The following RRAS2 variants were observed in gnomAD, a reference collection of about 807,000 sequenced individuals.
RRAS2 encodes the protein RAS related 2, also known as ras-related protein R-Ras2.
Under a neutral mutation model 27.6 loss-of-function variants are expected in RRAS2, and 7 were observed. The ratio of observed to expected loss-of-function variants is 0.25; its 90% CI spans 0.14 to 0.48. The LOEUF (loss-of-function observed/expected upper bound fraction) is 0.48, where lower values mean the gene tolerates loss of function less well. Ranked by LOEUF, RRAS2 falls within the 20% of genes least tolerant of loss-of-function variation. The probability of loss-of-function intolerance (pLI) is 0.99; values close to 1 mark genes in which losing one functional copy is unlikely to be tolerated. For synonymous variants in RRAS2, 86 were observed against 90.9 expected (o/e 0.95, Z 0.31); for missense variants, 178 against 256.2 (o/e 0.69, Z 2.08).
At chr11:14,282,300 A>G (rs1029197251) in intron 4 of RRAS2, among the ~76,000 whole-genome samples, 2 of 152,220 alleles carry the variant, frequency 1.3e-5, no homozygotes, top group Non-Finnish European at 2.9e-5. Context: ...TCTCTTCATC[A>G]TTGCATTCCC....
chr11:14,358,584 G>C lies in RRAS2; in HGVS notation c.108+179C>G, dbSNP rs1554955811. 1.0e-6 allele frequency: 1 copy of C among 985,370 alleles called. No individual in the cohort carries two copies. The highest frequency in any genetic ancestry group is 1.2e-6 in the Non-Finnish European group (1 of 829,950). 61.0% of individuals were successfully genotyped at this position (985,370 alleles called of 1,614,324 possible). ...ACGCCGCGCCCGGGAGGAGGCAGGA[G>C]CGCGACGCTGCGGCCGCAGGGCAGG... On this transcript the variant is annotated intron_variant, in intron 1 of 5. Coordinates refer to ENST00000256196, the MANE Select transcript of RRAS2 (RefSeq NM_012250.6). The surrounding 1 kb of genome is among the most constrained non-coding windows in gnomAD (Gnocchi z 5.1).
chr11:14,358,653 G>C lies in RRAS2; in HGVS notation c.108+110C>G. On this transcript the variant is annotated intron_variant, in intron 1 of 5. Transcript: ENST00000256196. This position sits in a 1 kb window ranked among gnomAD's most constrained non-coding sequence, Gnocchi z 5.1. ...CCCTCCCGCCCCCTGGCCCCGGCCC[G>C]GGCCCGCGAGGCGCCTCTGGGGCGA... The C allele has an allele frequency of 8.2e-6, 8 of 975,068 alleles. No homozygotes were observed. Among genetic ancestry groups the C allele is most frequent in the African/African-American group, 1.8e-5 (1 of 56,810 alleles). 60.4% of individuals were successfully genotyped at this position (975,068 alleles called of 1,614,324 possible). A position where few individuals can be genotyped will look rare whatever the true frequency, so the allele number is the denominator to read the frequency against.
chr11:14,304,727 T>C (rs1847794088), intron 1 of RRAS2, among the ~76,000 whole-genome samples: 2 of 152,164 alleles, frequency 1.3e-5, no homozygotes, highest in African/African-American at 4.8e-5. Flanking sequence ...TAGCCTCCAT[T>C]TTCTAAAACA....
chr11:14,359,278 C>T (rs1333085077), upstream of RRAS2: 3 of 633,760 alleles, frequency 4.7e-6, no homozygotes, highest in African/African-American at 5.9e-5. Flanking sequence ...GGGAGGTAAC[C>T]CGGGCTTCAG....
At chr11:14,355,198 A>C (rs1849046996) in intron 1 of RRAS2, among the ~76,000 whole-genome samples, 2 of 152,140 alleles carry the variant, frequency 1.3e-5, no homozygotes, top group Admixed American at 1.3e-4. Flanking sequence ...AAAGTGCAGA[A>C]ATTTGTTCAA....
At chr11:14,303,987 G>A (rs2133974614) in intron 1 of RRAS2, among the ~76,000 whole-genome samples, 1 of 152,250 alleles carries the variant, frequency 6.6e-6, no homozygotes, top group Non-Finnish European at 1.5e-5. Flanking sequence ...CCTTCCTCCT[G>A]GTTCATGTCA....
rs540257497 is a variant in RRAS2 at position 14,338,612 on chromosome 11, T to C, written c.108+20151A>G. Among the ~76,000 whole-genome samples, 108 of 152,310 alleles carry C rather than the reference T, an allele frequency of 7.1e-4. 4 individuals carry two copies. In the South Asian group the frequency reaches 0.022, roughly 31 times the overall value. ...GGCATCATATCATGACTCAAAAAGT[T>C]TCAGATTTTGGAGTATTCTGGATTT... On this transcript the variant is annotated intron_variant, in intron 1 of 5. Transcript: ENST00000256196.
intron 1 of RRAS2, among the ~76,000 whole-genome samples, chr11:14,319,343 GTC>G (rs1848176455): frequency 1.1e-5 from 1 of 89,842 alleles, no homozygotes; most frequent in Non-Finnish European, 2.2e-5. Flanking sequence ...GGTTCCCTCT[GTC>G]TTTTTTTTTT....
intron 1 of RRAS2, among the ~76,000 whole-genome samples, chr11:14,313,319 AAAG>A (rs1295872687): frequency 1.3e-5 from 2 of 152,238 alleles, no homozygotes; most frequent in African/African-American, 4.8e-5. Flanking sequence ...AACCACATGA[AAAG>A]AAAGTAAACA....
At chr11:14,352,225 G>C (rs1326679116) in intron 1 of RRAS2, among the ~76,000 whole-genome samples, 5 of 152,096 alleles carry the variant, frequency 3.3e-5, no homozygotes, top group African/African-American at 1.2e-4. Flanking sequence ...ATATTAAACT[G>C]TTAGTATATA....
chr11:14,338,074 TAA>T (rs1312904053), intron 1 of RRAS2, among the ~76,000 whole-genome samples: 1 of 152,166 alleles, frequency 6.6e-6, no homozygotes, highest in African/African-American at 2.4e-5. Context: ...TGAGAATATT[TAA>T]AAGTTATATT....
chr11:14,349,035 G>A (rs765030680), intron 1 of RRAS2, among the ~76,000 whole-genome samples: 13 of 152,130 alleles, frequency 8.5e-5, no homozygotes, highest in Non-Finnish European at 1.8e-4. Flanking sequence ...GCGCGATCTC[G>A]GCTCACTGCA....
intron 1 of RRAS2, among the ~76,000 whole-genome samples, chr11:14,303,724 G>A (rs1430109399): frequency 1.3e-5 from 2 of 152,194 alleles, no homozygotes; most frequent in Non-Finnish European, 2.9e-5. Flanking sequence ...GCTGGGGGAT[G>A]TGAGGGGTCC....
intron 4 of RRAS2, among the ~76,000 whole-genome samples, chr11:14,286,477 C>G (rs1554945048): frequency 6.6e-6 from 1 of 152,136 alleles, no homozygotes; most frequent in Admixed American, 6.5e-5. Context: ...GTTATACTAT[C>G]CAATACTCCA....
chr11:14,307,262 G>A (rs1554948213), intron 1 of RRAS2, among the ~76,000 whole-genome samples: 1 of 151,428 alleles, frequency 6.6e-6, no homozygotes, highest in Non-Finnish European at 1.5e-5. Flanking sequence ...AAAGGAAGAG[G>A]GAAAAAAAAA....
At chr11:14,305,344 C>G (rs187087233) in intron 1 of RRAS2, among the ~76,000 whole-genome samples, 528 of 152,304 alleles carry the variant, frequency 3.5e-3, no homozygotes, top group Non-Finnish European at 5.9e-3. Context: ...ACCACAAAAG[C>G]TACTACTGGA....
intron 1 of RRAS2, among the ~76,000 whole-genome samples, chr11:14,319,343 G>GTTTTTTT (rs1826168670): frequency 1.1e-5 from 1 of 89,842 alleles, no homozygotes; most frequent in Non-Finnish European, 2.2e-5. Flanking sequence ...GGTTCCCTCT[G>GTTTTTTT]TCTTTTTTTT....
chr11:14,315,196 A>G (rs1848070819), intron 1 of RRAS2, among the ~76,000 whole-genome samples: 2 of 152,314 alleles, frequency 1.3e-5, no homozygotes, highest in African/African-American at 4.8e-5. Flanking sequence ...TGGGGCAGGG[A>G]GCAACTTCAT....
intron 1 of RRAS2, among the ~76,000 whole-genome samples, chr11:14,313,524 C>G (rs568091263): frequency 1.3e-5 from 2 of 152,252 alleles, no homozygotes; most frequent in South Asian, 4.2e-4. Context: ...TGAATATGAC[C>G]GTATTTGGAA....
Sources: allele counts gnomAD v4.1 joint callset (sites outside exome capture counted in the v4.1 genomes callset), GRCh38; gene constraint gnomAD v4.1.1; non-coding constraint Gnocchi (gnomAD v3.1); transcripts MANE v1.5; gene names NCBI Gene and HGNC (gene_info 2026-07-23, HGNC 2026-07-21).